Variants in ELOC observed in about 807,000 individuals in gnomAD.
ELOC encodes elongin-C.
For synonymous variants in ELOC, 40 were observed against 51.3 expected, an observed-to-expected ratio of 0.78 and a Z score of 0.94; for missense variants, 38 against 139.0, an observed-to-expected ratio of 0.27 and a Z score of 3.65.
In ELOC at chr8:73,971,032, C is replaced by CAA. The variant is rs67188912; in HGVS notation, c.-51+1043_-51+1044dup. Reference sequence around the variant, plus strand: ...CTCAGGACAGAGCGAGACTCCGTCTCAAAAAAAAAAAAAAAAAAAGAAAAA... The same window carrying CAA: ...CTCAGGACAGAGCGAGACTCCGTCTCAAAAAAAAAAAAAAAAAAAAAGAAAAA... On this transcript the variant is annotated intron_variant, in intron 1 of 3. Transcript: ENST00000520242. Among the ~76,000 whole-genome samples the CAA allele has an allele frequency of 6.4e-3, 396 of 61,974 alleles. 12 individuals carry two copies. Among genetic ancestry groups the CAA allele is most frequent in the African/African-American group, 0.024 (367 of 15,474 alleles). 40.7% of individuals were successfully genotyped at this position (61,974 alleles called of 152,430 possible).
chr8:73,946,201 T>C lies in ELOC; in HGVS notation c.*429A>G, dbSNP rs1813370622. 1 of 153,894 alleles carries C rather than the reference T, an allele frequency of 6.5e-6. No individual in the cohort carries two copies. The highest frequency in any genetic ancestry group is 6.4e-5 in the Admixed American group (1 of 15,514). The allele number at this position is 153,894 out of a possible 1,614,324, so 9.5% of individuals were successfully genotyped here. On this transcript the variant is annotated 3_prime_UTR_variant, in exon 4 of 4. Transcript: ENST00000520242. ...GGCTAAGTTATAAACATGTTTATAATGCAATTATTTGCATAACTCTAGTAA... is the reference window on the plus strand; with the variant it reads ...GGCTAAGTTATAAACATGTTTATAACGCAATTATTTGCATAACTCTAGTAA...
At chr8:73,956,760 A>G (rs766154589) in intron 2 of ELOC, among the ~76,000 whole-genome samples, 74 of 152,364 alleles carry the variant, frequency 4.9e-4, no homozygotes, top group Non-Finnish European at 6.8e-4. Context: ...TTTATATGCC[A>G]TGAGAGCTCG....
At chr8:73,961,596 C>T (rs994025220) in intron 1 of ELOC, among the ~76,000 whole-genome samples, 1 of 152,132 alleles carries the variant, frequency 6.6e-6, no homozygotes, top group African/African-American at 2.4e-5. Context: ...TCACAGCAAC[C>T]TCTGCCTCCC....
At chr8:73,968,190 G>T (rs1815118164) in intron 1 of ELOC, among the ~76,000 whole-genome samples, 1 of 152,174 alleles carries the variant, frequency 6.6e-6, no homozygotes, top group African/African-American at 2.4e-5. Flanking sequence ...TAAATTAAGT[G>T]ATAGGACTTC....
intron 1 of ELOC, among the ~76,000 whole-genome samples, chr8:73,971,284 C>G (rs1256749740): frequency 6.6e-6 from 1 of 152,002 alleles, no homozygotes; most frequent in African/African-American, 2.4e-5. Flanking sequence ...CGCCTTGGTC[C>G]CAGCTACGTG....
At chr8:73,950,252 G>T (rs1253410411) in intron 3 of ELOC, among the ~76,000 whole-genome samples, 6 of 152,158 alleles carry the variant, frequency 3.9e-5, no homozygotes, top group Non-Finnish European at 7.4e-5. Flanking sequence ...ACATAAAAAT[G>T]AAGCAAATGG....
chr8:73,970,798 A>C (rs1236294943), intron 1 of ELOC, among the ~76,000 whole-genome samples: 1 of 151,282 alleles, frequency 6.6e-6, no homozygotes, highest in African/African-American at 2.4e-5. Flanking sequence ...AGGCGGGCGG[A>C]TCACCTGAGG....
intron 3 of ELOC, among the ~76,000 whole-genome samples, chr8:73,950,979 T>C (rs1813716070): frequency 6.6e-6 from 1 of 152,176 alleles, no homozygotes; most frequent in South Asian, 2.1e-4. Flanking sequence ...AACTTAAGAT[T>C]GGCAAAATGG....
intron 1 of ELOC, among the ~76,000 whole-genome samples, chr8:73,964,202 T>C (rs1477718503): frequency 1.3e-5 from 2 of 148,590 alleles, no homozygotes; most frequent in Non-Finnish European, 3.0e-5. Context: ...CTGTAGTTTA[T>C]ATTTTGGTGG....
chr8:73,962,050 C>A (rs1814644101), intron 1 of ELOC, among the ~76,000 whole-genome samples: 1 of 151,762 alleles, frequency 6.6e-6, no homozygotes, highest in African/African-American at 2.4e-5. Context: ...TGCATGGGAC[C>A]ATGTCCAGCT....
chr8:73,960,777 G>A (rs542743452), intron 1 of ELOC, among the ~76,000 whole-genome samples: 1 of 152,166 alleles, frequency 6.6e-6, no homozygotes, highest in South Asian at 2.1e-4. Context: ...TTGAATGAAT[G>A]GCATGATATA....
At chr8:73,960,952 AAAT>A (rs2131146318) in intron 1 of ELOC, among the ~76,000 whole-genome samples, 1 of 31,122 alleles carries the variant, frequency 3.2e-5, no homozygotes, top group South Asian at 9.8e-4. Context: ...TCTCTAAAAT[AAAT>A]AAATAAATAA....
intron 1 of ELOC, chr8:73,970,501 G>C (rs191770871): frequency 2.9e-4 from 44 of 152,168 alleles, no homozygotes; most frequent in African/African-American, 9.9e-4. Context: ...AAGAAAAAGA[G>C]GAACGGTCAC....
At chr8:73,970,859 CA>C (rs1815315225) in intron 1 of ELOC, among the ~76,000 whole-genome samples, 2 of 144,644 alleles carry the variant, frequency 1.4e-5, no homozygotes, top group African/African-American at 5.2e-5. Context: ...TACTAAAAAA[CA>C]AAACAAAACA....
At chr8:73,952,206 C>T (rs1813817247) in intron 3 of ELOC, among the ~76,000 whole-genome samples, 1 of 152,032 alleles carries the variant, frequency 6.6e-6, no homozygotes, top group Admixed American at 6.6e-5. Flanking sequence ...GATTTCGAGA[C>T]CAGCCTGGCC....
intron 1 of ELOC, among the ~76,000 whole-genome samples, chr8:73,968,466 TCA>T (rs1210404738): frequency 1.3e-5 from 2 of 152,216 alleles, no homozygotes; most frequent in Non-Finnish European, 2.9e-5. Context: ...CTCCCTTGTT[TCA>T]GTTTTAAAAT....
chr8:73,954,651 CAAAA>C (rs547357092), intron 3 of ELOC, among the ~76,000 whole-genome samples: 4 of 106,444 alleles, frequency 3.8e-5, no homozygotes, highest in Admixed American at 9.2e-5. Flanking sequence ...GACTCCGTCT[CAAAA>C]AAAAAAAAAA....
chr8:73,957,817 C>T (rs1479984147), intron 2 of ELOC, among the ~76,000 whole-genome samples: 1 of 152,138 alleles, frequency 6.6e-6, no homozygotes, highest in Non-Finnish European at 1.5e-5. Flanking sequence ...TGGAGTCTCA[C>T]TTTTGTTGTG....
chr8:73,957,381 G>A (rs73687114), intron 2 of ELOC, among the ~76,000 whole-genome samples: 25,743 of 151,864 alleles, frequency 0.17, 2,498 homozygotes, highest in Middle Eastern at 0.29. Context: ...AGTTACATAT[G>A]CAAGTAAAAA....
Sources: allele counts gnomAD v4.1 joint callset (sites outside exome capture counted in the v4.1 genomes callset), GRCh38; gene constraint gnomAD v4.1.1; transcripts MANE v1.5; gene names NCBI Gene and HGNC (gene_info 2026-07-23, HGNC 2026-07-21).